The following GRHL2 variants were observed in gnomAD, a reference collection of about 807,000 sequenced individuals.
GRHL2 encodes grainyhead like transcription factor 2.
GRHL2 carries 21 observed loss-of-function variants against 83.8 expected under a neutral mutation model. The observed-to-expected ratio is 0.25, with a 90% confidence interval of 0.18 to 0.36. The LOEUF (loss-of-function observed/expected upper bound fraction) is 0.36, where lower values mean the gene tolerates loss of function less well. Ranked by LOEUF, GRHL2 falls within the 10% of genes least tolerant of loss-of-function variation. GRHL2 has a pLI of 1.00. For missense variants in GRHL2, 623 were observed against 781.8 expected (o/e 0.80, Z 2.42); for synonymous variants, 280 against 278.9 (o/e 1.00, Z -0.04).
At chr8:101,649,607 T>C (rs1813581259) in intron 14 of GRHL2, 108 bp downstream of exon 14, 1 of 809,282 alleles carries the variant, frequency 1.2e-6, no homozygotes, top group South Asian at 1.4e-5. Context: ...ATGAGCTTTA[T>C]ACAGAACAAG....
intron 4 of GRHL2, among the ~76,000 whole-genome samples, chr8:101,564,989 G>A (rs13257650): frequency 6.6e-6 from 1 of 152,134 alleles, no homozygotes; most frequent in African/African-American, 2.4e-5. Context: ...CTGCCTTCTA[G>A]AAGCTTACAA....
In GRHL2 at chr8:101,663,757, T is replaced by C. The variant is rs188115944; in HGVS notation, c.1699-697T>C. Among the ~76,000 whole-genome samples, 205 of 152,306 alleles carry C rather than the reference T, an allele frequency of 1.3e-3. 2 individuals are homozygous for C. Among genetic ancestry groups the C allele is most frequent in the African/African-American group, 4.4e-3 (181 of 41,584 alleles). ...TTATTTTTCTTCCGTGAATTGCTTC[T>C]TCAGGATTTTTCTTCCTTTGCCCAT... is the stretch of plus-strand genomic sequence containing the variant. On this transcript the variant is annotated intron_variant, in intron 14 of 15. Transcript: ENST00000646743.
chr8:101,583,260 G>A (rs965228892), intron 7 of GRHL2, among the ~76,000 whole-genome samples: 1 of 152,218 alleles, frequency 6.6e-6, no homozygotes, highest in Non-Finnish European at 1.5e-5. Flanking sequence ...GTGAGGGATG[G>A]ACTGGCAATG....
At chr8:101,618,138 G>A (rs146708818) in intron 8 of GRHL2, among the ~76,000 whole-genome samples, 270 of 152,246 alleles carry the variant, frequency 1.8e-3, no homozygotes, top group African/African-American at 6.3e-3. Context: ...TAGTTACCAT[G>A]TAAACCTGGG....
intron 1 of GRHL2, among the ~76,000 whole-genome samples, chr8:101,497,096 T>C (rs1333171284): frequency 6.6e-6 from 1 of 152,206 alleles, no homozygotes; most frequent in Non-Finnish European, 1.5e-5. Flanking sequence ...ACCAGTTTAA[T>C]GTTGAGGGGT....
intron 1 of GRHL2, among the ~76,000 whole-genome samples, chr8:101,516,138 G>A (rs1000037477): frequency 3.9e-5 from 6 of 152,084 alleles, no homozygotes; most frequent in African/African-American, 9.7e-5. Flanking sequence ...CAGGAGGTCC[G>A]GTGCCCATTT....
chr8:101,581,654 C>A (rs768631922), intron 7 of GRHL2, among the ~76,000 whole-genome samples: 1 of 152,180 alleles, frequency 6.6e-6, no homozygotes, highest in East Asian at 1.9e-4. Context: ...ATTCCACATT[C>A]GTTCTGCAAA....
At chr8:101,529,468 G>A in intron 1 of GRHL2, 1 of 165,344 alleles carries the variant, frequency 6.0e-6, no homozygotes, top group Middle Eastern at 8.1e-4. Flanking sequence ...CCTTTTGATG[G>A]CATCTTGTTT....
intron 14 of GRHL2, among the ~76,000 whole-genome samples, chr8:101,650,622 G>A (rs987629751): frequency 2.6e-5 from 4 of 152,028 alleles, no homozygotes; most frequent in Non-Finnish European, 5.9e-5. Flanking sequence ...CCATAGAGAC[G>A]AAAGGCAAGT....
At chr8:101,539,241 C>G (rs1811103116) in intron 1 of GRHL2, among the ~76,000 whole-genome samples, 1 of 152,212 alleles carries the variant, frequency 6.6e-6, no homozygotes, top group Non-Finnish European at 1.5e-5. Flanking sequence ...CACTCCTCCA[C>G]AGCAATGTGT....
chr8:101,594,788 T>C (rs1321687905), intron 7 of GRHL2, among the ~76,000 whole-genome samples: 2 of 152,236 alleles, frequency 1.3e-5, no homozygotes, highest in Non-Finnish European at 2.9e-5. Flanking sequence ...AACAAACTTA[T>C]GGAGCACATC....
At chr8:101,671,976 G>C (rs1010245220), downstream of GRHL2, among the ~76,000 whole-genome samples, 14 of 152,124 alleles carry the variant, frequency 9.2e-5, no homozygotes, top group Admixed American at 5.9e-4. Context: ...AACTCCAACA[G>C]ACCTGCAGCT....
intron 9 of GRHL2, among the ~76,000 whole-genome samples, chr8:101,621,528 G>C (rs548050492): frequency 1.3e-5 from 2 of 152,064 alleles, no homozygotes; most frequent in Admixed American, 6.6e-5. Flanking sequence ...AAACAAGCTG[G>C]AAAACAATAA....
the GRHL2 span, among the ~76,000 whole-genome samples, chr8:101,677,731 G>T: frequency 6.6e-6 from 1 of 152,066 alleles, no homozygotes; most frequent in Non-Finnish European, 1.5e-5. Context: ...ATGAAATAAG[G>T]CTGGGATGCT....
At chr8:101,577,848 A>G (rs905922515) in intron 7 of GRHL2, among the ~76,000 whole-genome samples, 1 of 152,220 alleles carries the variant, frequency 6.6e-6, no homozygotes, top group Non-Finnish European at 1.5e-5. Flanking sequence ...AGCAGGTCAG[A>G]TGAACTCTTA....
At chr8:101,503,851 G>GA (rs1299603909) in intron 1 of GRHL2, among the ~76,000 whole-genome samples, 1 of 152,062 alleles carries the variant, frequency 6.6e-6, no homozygotes, top group Non-Finnish European at 1.5e-5. Context: ...AAAGAATTCA[G>GA]AAAAAACACA....
At chr8:101,591,806 T>A (rs1222200171) in intron 7 of GRHL2, among the ~76,000 whole-genome samples, 2 of 152,192 alleles carry the variant, frequency 1.3e-5, no homozygotes, top group Admixed American at 6.5e-5. Flanking sequence ...AAGTTCTCTG[T>A]TTGTGGCAGT....
At chr8:101,517,843 C>T (rs1387239392) in intron 1 of GRHL2, among the ~76,000 whole-genome samples, 1 of 152,200 alleles carries the variant, frequency 6.6e-6, no homozygotes, top group Non-Finnish European at 1.5e-5. Context: ...AACAGGATTG[C>T]TTGGCTAGCA....
At chr8:101,537,895 CCTTTGTTATTTT>C (rs1302767757) in intron 1 of GRHL2, among the ~76,000 whole-genome samples, 2 of 152,046 alleles carry the variant, frequency 1.3e-5, no homozygotes, top group Non-Finnish European at 2.9e-5. Flanking sequence ...CTAATTTTTT[CCTTTGTTATTTT>C]CTTTTTTAAA....
Sources: allele counts gnomAD v4.1 joint callset (sites outside exome capture counted in the v4.1 genomes callset), GRCh38; gene constraint gnomAD v4.1.1; transcripts MANE v1.5; gene names NCBI Gene and HGNC (gene_info 2026-07-23, HGNC 2026-07-21).